The following RBM19 variants were observed in gnomAD, a reference collection of about 807,000 sequenced individuals.
RBM19 encodes the protein RNA binding motif protein 19, also known as probable RNA-binding protein 19.
Under a neutral mutation model 116.8 loss-of-function variants are expected in RBM19, and 94 were observed. The observed-to-expected ratio is 0.80, with a 90% CI of 0.68 to 0.95. The LOEUF (loss-of-function observed/expected upper bound fraction) is 0.95, where lower values mean the gene tolerates loss of function less well. RBM19 is among the 40% of genes least tolerant of loss of function. The pLI is 0.00. For synonymous variants in RBM19, 475 were observed against 494.1 expected, an observed-to-expected ratio of 0.96 and a Z score of 0.51; for missense variants, 1,161 against 1,220.7, an observed-to-expected ratio of 0.95 and a Z score of 0.73.
At chr12:113,949,383 G>A (rs1871299286) in intron 9 of RBM19, among the ~76,000 whole-genome samples, 1 of 152,154 alleles carries the variant, frequency 6.6e-6, no homozygotes, top group Admixed American at 6.5e-5. Flanking sequence ...CCCAGCCCTG[G>A]GTACTTACCT....
intron 16 of RBM19, among the ~76,000 whole-genome samples, chr12:113,930,694 G>A (rs1021192631): frequency 1.3e-5 from 2 of 152,208 alleles, no homozygotes; most frequent in South Asian, 2.1e-4. Flanking sequence ...CTCCAGCAGC[G>A]CAGGCTCTGG....
At chr12:113,837,998 G>A (rs530642779) in intron 23 of RBM19, among the ~76,000 whole-genome samples, 10 of 152,234 alleles carry the variant, frequency 6.6e-5, no homozygotes, top group African/African-American at 1.7e-4. Flanking sequence ...ACACCAAAAC[G>A]TCTAAATATT....
At chr12:113,952,479 C>T (rs770136583) in intron 8 of RBM19, 33 bp downstream of exon 8, 20 of 1,579,558 alleles carry the variant, frequency 1.3e-5, no homozygotes, top group Non-Finnish European at 1.7e-5. Flanking sequence ...ACTGTCTACC[C>T]GCCTTCCCAC....
At chr12:113,951,461 A>C (rs753634600) in intron 8 of RBM19, among the ~76,000 whole-genome samples, 1 of 152,154 alleles carries the variant, frequency 6.6e-6, no homozygotes, top group Non-Finnish European at 1.5e-5. Context: ...GGGGCTCAGC[A>C]CTGCTCTAAA....
At chr12:113,953,333 CA>C (rs1476227890) in intron 7 of RBM19, among the ~76,000 whole-genome samples, 2 of 152,208 alleles carry the variant, frequency 1.3e-5, no homozygotes, top group Admixed American at 1.3e-4. Flanking sequence ...ACTAAAAATA[CA>C]AAAATTAGCT....
intron 23 of RBM19, among the ~76,000 whole-genome samples, chr12:113,832,536 T>TC (rs1321937471): frequency 3.3e-5 from 5 of 152,040 alleles, no homozygotes; most frequent in Admixed American, 2.0e-4. Flanking sequence ...ACCCACATAT[T>TC]CCCACACCCC....
At chr12:113,877,896 A>G (rs1473227221) in intron 21 of RBM19, among the ~76,000 whole-genome samples, 1 of 152,218 alleles carries the variant, frequency 6.6e-6, no homozygotes, top group Non-Finnish European at 1.5e-5. Flanking sequence ...TAAATGATAC[A>G]GAGGAAAAAA....
chr12:113,842,543 G>A (rs368697308), intron 23 of RBM19, among the ~76,000 whole-genome samples: 3 of 152,360 alleles, frequency 2.0e-5, no homozygotes, highest in Admixed American at 6.5e-5. Flanking sequence ...CCTGGCATGT[G>A]CCAGGTACTA....
chr12:113,940,255 C>T, intron 14 of RBM19, 95 bp from the exon 15 acceptor site: 3 of 1,317,216 alleles, frequency 2.3e-6, no homozygotes, highest in African/African-American at 1.5e-5. Context: ...AGACAAGGCT[C>T]TCCATTTGGA....
At chr12:113,850,091 G>A (rs532707374) in intron 22 of RBM19, among the ~76,000 whole-genome samples, 1 of 152,186 alleles carries the variant, frequency 6.6e-6, no homozygotes, top group Non-Finnish European at 1.5e-5. Context: ...ACAGTTCTGG[G>A]GGCTTCGCCA....
Position 113,898,797 on chromosome 12 carries a change from A to T in RBM19, c.2558+16172T>A, listed in dbSNP as rs1406818691. Among the ~76,000 whole-genome samples the T allele has an allele frequency of 6.6e-6, 1 of 152,246 alleles. No homozygotes were observed. The highest frequency in any genetic ancestry group is 1.5e-5 in the Non-Finnish European group (1 of 68,048). ...CTGGACCTGAGGCTACATCTTTCTA[A>T]TATTAAAAACCCACATTCTGAATTT... On this transcript the variant is annotated intron_variant, in intron 21 of 23. Coordinates refer to ENST00000261741, the MANE Select transcript of RBM19 (RefSeq NM_016196.4). This position sits in a 1 kb window ranked among gnomAD's most constrained non-coding sequence, Gnocchi z 4.3.
chr12:113,856,723 C>T (rs1370158201), intron 22 of RBM19, among the ~76,000 whole-genome samples: 1 of 152,178 alleles, frequency 6.6e-6, no homozygotes, highest in Non-Finnish European at 1.5e-5. Flanking sequence ...AAGGGGAACA[C>T]CCTTTCTTAT....
chr12:113,832,755 C>T (rs559035580), intron 23 of RBM19, among the ~76,000 whole-genome samples: 103 of 152,306 alleles, frequency 6.8e-4, no homozygotes, highest in African/African-American at 2.4e-3. Flanking sequence ...GAAGGAACCA[C>T]GACCAAAGGA....
chr12:113,840,431 C>T (rs1343393399), intron 23 of RBM19, among the ~76,000 whole-genome samples: 1 of 152,186 alleles, frequency 6.6e-6, no homozygotes, highest in African/African-American at 2.4e-5. Flanking sequence ...TGCTCCTGCC[C>T]CCGGGAAAAC....
At chr12:113,894,806 G>A (rs114276939) in intron 21 of RBM19, among the ~76,000 whole-genome samples, 1,992 of 152,346 alleles carry the variant, frequency 0.013, 45 homozygotes, top group African/African-American at 0.046. Context: ...CCAAGCACTG[G>A]CTGAAGTGCT....
At chr12:113,918,848 A>G (rs1271729931) in intron 19 of RBM19, among the ~76,000 whole-genome samples, 1 of 152,222 alleles carries the variant, frequency 6.6e-6, no homozygotes, top group Non-Finnish European at 1.5e-5. Flanking sequence ...ATCTAAAGCT[A>G]GGTTCTAACA....
chr12:113,929,851 G>A (rs1404815544), intron 16 of RBM19, among the ~76,000 whole-genome samples: 9 of 152,182 alleles, frequency 5.9e-5, no homozygotes, highest in African/African-American at 1.4e-4. Context: ...ATCTGTACCC[G>A]AAATCTCAGG....
chr12:113,942,272 T>A, intron 14 of RBM19, 52 bp downstream of exon 14: 1 of 1,515,772 alleles, frequency 6.6e-7, no homozygotes, highest in Non-Finnish European at 9.0e-7. Context: ...GGAAAGGCCA[T>A]TCTCGACTCT....
At chr12:113,946,728 C>G (rs1471709815) in intron 11 of RBM19, among the ~76,000 whole-genome samples, 4 of 152,230 alleles carry the variant, frequency 2.6e-5, no homozygotes, top group Non-Finnish European at 5.9e-5. Context: ...GCACCCGCAG[C>G]CCTCTCCCCG....
Sources: gnomAD v4.1 joint callset for allele counts (sites outside exome capture counted in the v4.1 genomes callset) on GRCh38, gnomAD v4.1.1 for gene constraint, Gnocchi (gnomAD v3.1) non-coding constraint, MANE v1.5 for transcripts, NCBI Gene and HGNC (gene_info 2026-07-23, HGNC 2026-07-21) for gene names.